The following DNAJC24 variants were observed in gnomAD, a reference collection of about 807,000 sequenced individuals.
DNAJC24 encodes dnaJ homolog subfamily C member 24.
DNAJC24 carries 17 observed loss-of-function variants against 18.0 expected under a neutral mutation model. The observed-to-expected ratio is 0.94, with a 90% CI of 0.65 to 1.42. DNAJC24 has a LOEUF of 1.42. Among genes scored for constraint, DNAJC24 ranks in the 40% most tolerant of loss-of-function variants. DNAJC24 has a pLI of 0.00. For missense variants in DNAJC24, 158 were observed against 175.6 expected (o/e 0.90, Z 0.57); for synonymous variants, 55 against 57.7 (o/e 0.95, Z 0.21).
At chr11:31,385,878 A>G (rs959309888) in intron 2 of DNAJC24, among the ~76,000 whole-genome samples, 1 of 152,128 alleles carries the variant, frequency 6.6e-6, no homozygotes, top group African/African-American at 2.4e-5. Flanking sequence ...AATCACCTAC[A>G]CCATCTCTCC....
At chr11:31,370,467 T>G (rs1156593150) in intron 1 of DNAJC24, among the ~76,000 whole-genome samples, 1 of 152,198 alleles carries the variant, frequency 6.6e-6, no homozygotes, top group Non-Finnish European at 1.5e-5. Flanking sequence ...AAAATTCTTT[T>G]TTTTAATGCT....
rs1952374787 is a variant in DNAJC24 at position 31,381,312 on chromosome 11, T to A, written c.111+10453T>A. Reference sequence around the variant, plus strand: ...TAATTATAATAATTTGTATTACATATCTGTGCTTGAATTATTTTCTGTGTC... The same window carrying A: ...TAATTATAATAATTTGTATTACATAACTGTGCTTGAATTATTTTCTGTGTC... On this transcript the variant is annotated intron_variant, in intron 2 of 4. Coordinates refer to ENST00000465995, the MANE Select transcript of DNAJC24 (RefSeq NM_181706.5). Among the ~76,000 whole-genome samples the A allele has an allele frequency of 2.0e-5, 3 of 152,268 alleles. No homozygotes were observed. The South Asian group carries it at 6.2e-4, about 32-fold the overall frequency.
In DNAJC24 at chr11:31,432,557, C is replaced by T; in HGVS notation, c.*2156C>T. ...TGGCACGTAAAAATCCAAAATCACT[C>T]AGAGGCCAAATCTGTAAAATCAAAA... On this transcript the variant is annotated 3_prime_UTR_variant, in exon 5 of 5. Transcript: ENST00000465995. 6.2e-7 allele frequency: 1 copy of T among 1,611,480 alleles called. No homozygotes were observed.
chr11:31,432,502 A>C lies in DNAJC24; in HGVS notation c.*2101A>C. 2 of 1,607,592 alleles carry C rather than the reference A, an allele frequency of 1.2e-6. No individual in the cohort carries two copies. Among genetic ancestry groups the C allele is most frequent in the Non-Finnish European group, 8.5e-7 (1 of 1,174,872 alleles). ...CAAGTCAAAAGAATAAATGCTTACT[A>C]ATCATCAGAAAATCTGTGGCCATTA... On this transcript the variant is annotated 3_prime_UTR_variant, in exon 5 of 5. Transcript: ENST00000465995.
chr11:31,403,568 A>G (rs1459942538), intron 2 of DNAJC24, among the ~76,000 whole-genome samples: 2 of 152,232 alleles, frequency 1.3e-5, no homozygotes, highest in Non-Finnish European at 2.9e-5. Context: ...ACTTGGGGTC[A>G]GCATAAAAGA....
intron 3 of DNAJC24, among the ~76,000 whole-genome samples, chr11:31,422,920 C>T (rs189381084): frequency 3.9e-5 from 6 of 152,084 alleles, no homozygotes; most frequent in Non-Finnish European, 1.5e-5. Context: ...TTGGTCACCC[C>T]CCACTGCCCA....
chr11:31,395,018 C>T (rs1345008008), intron 2 of DNAJC24, among the ~76,000 whole-genome samples: 1 of 152,058 alleles, frequency 6.6e-6, no homozygotes, highest in Non-Finnish European at 1.5e-5. Flanking sequence ...TTTGTTGATC[C>T]TCACCCTCTT....
intron 2 of DNAJC24, among the ~76,000 whole-genome samples, chr11:31,376,552 G>A (rs1952316909): frequency 6.6e-6 from 1 of 152,110 alleles, no homozygotes; most frequent in Non-Finnish European, 1.5e-5. Flanking sequence ...TGTAAGATAG[G>A]CTTTGTTACC....
intron 4 of DNAJC24, among the ~76,000 whole-genome samples, chr11:31,428,602 A>T (rs940684074): frequency 1.3e-5 from 2 of 152,190 alleles, no homozygotes; most frequent in African/African-American, 4.8e-5. Flanking sequence ...GGATAGACAT[A>T]GCCAAATTGT....
At chr11:31,377,572 A>AT (rs1952330718) in intron 2 of DNAJC24, among the ~76,000 whole-genome samples, 1 of 151,938 alleles carries the variant, frequency 6.6e-6, no homozygotes, top group Non-Finnish European at 1.5e-5. Flanking sequence ...GATTTTTAAA[A>AT]TTTTTTTTAG....
At chr11:31,411,648 A>G (rs1952711487) in intron 2 of DNAJC24, among the ~76,000 whole-genome samples, 1 of 152,072 alleles carries the variant, frequency 6.6e-6, no homozygotes, top group Admixed American at 6.6e-5. Flanking sequence ...TCTTCACATC[A>G]CCGTCTCTTC....
At chr11:31,379,806 G>A (rs1952358179) in intron 2 of DNAJC24, among the ~76,000 whole-genome samples, 1 of 151,786 alleles carries the variant, frequency 6.6e-6, no homozygotes, top group Non-Finnish European at 1.5e-5. Context: ...CGTCCAGGCT[G>A]GAGTGCAGTG....
At chr11:31,387,508 C>A (rs982915478) in intron 2 of DNAJC24, among the ~76,000 whole-genome samples, 1 of 152,178 alleles carries the variant, frequency 6.6e-6, no homozygotes, top group African/African-American at 2.4e-5. Flanking sequence ...AAGGCAGTAA[C>A]TCTACAAGTC....
At chr11:31,401,742 A>G (rs553269965) in intron 2 of DNAJC24, among the ~76,000 whole-genome samples, 2 of 152,320 alleles carry the variant, frequency 1.3e-5, no homozygotes, top group South Asian at 4.1e-4. Flanking sequence ...GAATGGAGGC[A>G]ATCATTAGAG....
chr11:31,425,507 C>T (rs983244754), intron 3 of DNAJC24, among the ~76,000 whole-genome samples: 3 of 152,082 alleles, frequency 2.0e-5, no homozygotes, highest in Non-Finnish European at 4.4e-5. Context: ...CTGGTTGACT[C>T]GGTTTCTGAT....
At chr11:31,381,618 G>A (rs1004425444) in intron 2 of DNAJC24, among the ~76,000 whole-genome samples, 3 of 147,106 alleles carry the variant, frequency 2.0e-5, no homozygotes, top group African/African-American at 5.0e-5. Flanking sequence ...TCTGTCACCC[G>A]AGCTGGAGTA....
chr11:31,415,123 T>A (rs1952741644), intron 3 of DNAJC24, 174 bp downstream of exon 3: 1 of 632,750 alleles, frequency 1.6e-6, no homozygotes, highest in African/African-American at 1.9e-5. Context: ...CTATTGTGTA[T>A]CCATTGAGAA....
At position 31,430,759 on chromosome 11, in the gene DNAJC24, T is replaced by C. The variant is rs1952914647; in HGVS notation, c.*358T>C. 6.5e-6 allele frequency: 1 copy of C among 153,244 alleles called. No individual in the cohort carries two copies. The highest frequency in any genetic ancestry group is 2.1e-4 in the South Asian group (1 of 4,848). The allele number at this position is 153,244 out of a possible 1,614,324, so 9.5% of individuals were successfully genotyped here. On this transcript the variant is annotated 3_prime_UTR_variant, in exon 5 of 5. Transcript: ENST00000465995. ...TATCATCATATTCCTTTATAGTTAC[T>C]AAGTTTCTGGTCTAACCGATAACGT...
In DNAJC24 at chr11:31,431,973, C is replaced by T. The variant is rs1485572320; in HGVS notation, c.*1572C>T. On this transcript the variant is annotated 3_prime_UTR_variant, in exon 5 of 5. Coordinates refer to ENST00000465995, the MANE Select transcript of DNAJC24 (RefSeq NM_181706.5). ...GCATATGCCTTAAAGATGCATTTTTCTATGTATTTAATATTTTGTGTACAG... is the reference window on the plus strand; with the variant it reads ...GCATATGCCTTAAAGATGCATTTTTTTATGTATTTAATATTTTGTGTACAG... 3 of 152,362 alleles carry T rather than the reference C, an allele frequency of 2.0e-5. 1 individual carries two copies. The highest frequency in any genetic ancestry group is 7.2e-5 in the African/African-American group (3 of 41,404). 9.4% of individuals were successfully genotyped at this position (152,362 alleles called of 1,614,324 possible). A position where few individuals can be genotyped will look rare whatever the true frequency, so the allele number is the denominator to read the frequency against.
Sources: gnomAD v4.1 joint callset for allele counts (sites outside exome capture counted in the v4.1 genomes callset) on GRCh38, gnomAD v4.1.1 for gene constraint, MANE v1.5 for transcripts, NCBI Gene and HGNC (gene_info 2026-07-23, HGNC 2026-07-21) for gene names.